Variants in LNPK observed in about 807,000 individuals in gnomAD.
The protein encoded by LNPK is lunapark, ER junction formation factor.
LNPK carries 29 observed loss-of-function variants against 55.2 expected under a neutral mutation model. The observed-to-expected ratio is 0.53, with a 90% CI of 0.39 to 0.72. The LOEUF is 0.72. Ranked by LOEUF, LNPK falls within the 30% of genes least tolerant of loss-of-function variation. The pLI, the probability that LNPK is intolerant of heterozygous loss-of-function variation, is 0.00. For synonymous variants in LNPK, 162 were observed against 168.2 expected, an observed-to-expected ratio of 0.96 and a Z score of 0.29; for missense variants, 467 against 494.8, an observed-to-expected ratio of 0.94 and a Z score of 0.53.
rs1249511661 is a variant in LNPK at position 175,964,431 on chromosome 2, T to C, written c.442-8A>G. On this transcript the variant is annotated splice_region_variant and splice_polypyrimidine_tract_variant and intron_variant, in intron 7 of 12. Transcript: ENST00000272748. ...AGATGGCGGCTCACACTCCTGTCAA[T>C]TATAATAATGTTATTACAGTGACCT... The C allele has an allele frequency of 6.2e-7, 1 of 1,612,112 alleles. No homozygotes were observed. The highest frequency in any genetic ancestry group is 2.2e-5 in the East Asian group (1 of 44,856).
At chr2:175,976,976 G>A (rs1686941444) in intron 5 of LNPK, among the ~76,000 whole-genome samples, 1 of 152,034 alleles carries the variant, frequency 6.6e-6, no homozygotes, top group Non-Finnish European at 1.5e-5. Flanking sequence ...AGTCATATAG[G>A]GTAAACATTT....
At chr2:175,956,503 C>A (rs950227185) in intron 8 of LNPK, among the ~76,000 whole-genome samples, 3 of 152,138 alleles carry the variant, frequency 2.0e-5, no homozygotes, top group Admixed American at 6.5e-5. Context: ...ATTAATAGGT[C>A]AGTGAACATT....
At chr2:175,965,144 G>C (rs1045107082) in intron 6 of LNPK, among the ~76,000 whole-genome samples, 2 of 152,132 alleles carry the variant, frequency 1.3e-5, no homozygotes, top group African/African-American at 4.8e-5. Context: ...GACTTTAAAA[G>C]ATAACCCTCA....
At chr2:175,958,274 C>T (rs1269790275) in intron 8 of LNPK, among the ~76,000 whole-genome samples, 1 of 152,210 alleles carries the variant, frequency 6.6e-6, no homozygotes, top group Non-Finnish European at 1.5e-5. Flanking sequence ...GGGTCCCTGA[C>T]CACTGTGTAG....
chr2:175,932,543 G>T (rs1237602175), intron 12 of LNPK, among the ~76,000 whole-genome samples: 1 of 152,042 alleles, frequency 6.6e-6, no homozygotes, highest in Non-Finnish European at 1.5e-5. Flanking sequence ...TTTTTTAATG[G>T]CAGTAACACT....
At chr2:175,964,708 C>T (rs975541625) in intron 6 of LNPK, 119 bp from the exon 7 acceptor site, 1 of 631,372 alleles carries the variant, frequency 1.6e-6, no homozygotes, top group Non-Finnish European at 2.8e-6. Context: ...GAAAGACTTC[C>T]TACATTCGAA....
chr2:175,943,798 A>G (rs556359332), intron 9 of LNPK, among the ~76,000 whole-genome samples: 1 of 152,222 alleles, frequency 6.6e-6, no homozygotes, highest in South Asian at 2.1e-4. Context: ...TATTTATTAA[A>G]ACAAAAAACC....
chr2:175,941,649 G>A (rs1684845651), intron 9 of LNPK, among the ~76,000 whole-genome samples: 1 of 151,290 alleles, frequency 6.6e-6, no homozygotes, highest in East Asian at 2.0e-4. Context: ...AAATTGGCTG[G>A]GCGTGGTGGC....
rs1346678447 is a variant in LNPK, at chr2:175,929,999, C to A, written c.1255G>T (p.Glu419Ter). 1.2e-6 allele frequency: 2 copies of A among 1,613,986 alleles called. No individual in the cohort carries two copies. The highest frequency in any genetic ancestry group is 1.7e-5 in the Admixed American group (1 of 60,008). Residue 419 changes from glutamate to a stop codon, truncating the protein, a stop_gained, in exon 13 of 13, where the codon GAA becomes TAA. Transcript: ENST00000272748. LOFTEE classifies it high-confidence loss of function. Reference protein sequence around the residue: ...VPGADSIPDPELSGESLTAE With the variant: ...VPGADSIPDP ...GCCGTCAAAGATTCTCCACTTAGTT[C>A]AGGATCAGGAATAGAATCAGCTCCA... is the stretch of plus-strand genomic sequence containing the variant.
At chr2:175,982,979 A>G (rs1335912338) in intron 4 of LNPK, among the ~76,000 whole-genome samples, 1 of 152,226 alleles carries the variant, frequency 6.6e-6, no homozygotes, top group Non-Finnish European at 1.5e-5. Flanking sequence ...AAACAGAGAT[A>G]TAACTAAAAC....
Position 175,969,622 on chromosome 2 carries a change from T to C in LNPK, c.357+1142A>G, listed in dbSNP as rs185984488. ...CTCTGATCACCAGTACCAGCTCTTCTTTTTATCTCATCAGCAAGTCAAACC... is the reference window on the plus strand; with the variant it reads ...CTCTGATCACCAGTACCAGCTCTTCCTTTTATCTCATCAGCAAGTCAAACC... On this transcript the variant is annotated intron_variant, in intron 6 of 12. Coordinates refer to ENST00000272748, the MANE Select transcript of LNPK (RefSeq NM_030650.3). Among the ~76,000 whole-genome samples the C allele has an allele frequency of 1.1e-4, 17 of 152,332 alleles. No individual in the cohort carries two copies. The East Asian group carries it at 2.9e-3, about 26-fold the overall frequency.
intron 6 of LNPK, among the ~76,000 whole-genome samples, chr2:175,966,165 AGCGATTCTCTGCCTCAG>A (rs1471009462): frequency 6.6e-6 from 1 of 152,162 alleles, no homozygotes; most frequent in East Asian, 1.9e-4. Flanking sequence ...CCCAGGTTCA[AGCGATTCTCTGCCTCAG>A]GCTCCCAAGT....
At chr2:175,974,492 G>A (rs747561736) in intron 5 of LNPK, among the ~76,000 whole-genome samples, 11 of 152,224 alleles carry the variant, frequency 7.2e-5, no homozygotes, top group African/African-American at 9.6e-5. Flanking sequence ...TAGGATGAAC[G>A]CAGCTAAAGA....
At chr2:175,949,450 T>C (rs1282746066) in intron 8 of LNPK, among the ~76,000 whole-genome samples, 1 of 152,088 alleles carries the variant, frequency 6.6e-6, no homozygotes, top group Non-Finnish European at 1.5e-5. Context: ...TAAATCATTT[T>C]TCAGCCAACT....
chr2:175,942,227 T>A (rs548236003), intron 9 of LNPK, among the ~76,000 whole-genome samples: 1 of 152,316 alleles, frequency 6.6e-6, no homozygotes, highest in African/African-American at 2.4e-5. Flanking sequence ...GACTGCACTC[T>A]ATTATGCATT....
chr2:175,958,818 C>A (rs1254521371), intron 8 of LNPK, among the ~76,000 whole-genome samples: 1 of 152,070 alleles, frequency 6.6e-6, no homozygotes. Context: ...AAGCTATAAA[C>A]CTTGAAAAAA....
At chr2:175,941,068 G>A (rs1684815437) in intron 9 of LNPK, 1 of 426,966 alleles carries the variant, frequency 2.3e-6, no homozygotes, top group Non-Finnish European at 4.7e-6. Context: ...GGCAATATGA[G>A]GAAGCCCCAT....
intron 4 of LNPK, among the ~76,000 whole-genome samples, chr2:175,988,290 C>A (rs762752238): frequency 2.6e-5 from 4 of 151,688 alleles, no homozygotes; most frequent in African/African-American, 2.4e-5. Flanking sequence ...TCACTTGAGG[C>A]CAAGAGTTTG....
intron 5 of LNPK, among the ~76,000 whole-genome samples, chr2:175,978,617 G>A (rs573456678): frequency 1.1e-4 from 16 of 152,116 alleles, no homozygotes; most frequent in African/African-American, 3.6e-4. Flanking sequence ...GAATTTACTG[G>A]GGAACTATAA....
Sources: allele counts gnomAD v4.1 joint callset (sites outside exome capture counted in the v4.1 genomes callset), GRCh38; gene constraint gnomAD v4.1.1; transcripts MANE v1.5; gene names NCBI Gene and HGNC (gene_info 2026-07-23, HGNC 2026-07-21).